Variants in KIRREL3 observed in about 807,000 individuals in gnomAD.
The protein encoded by KIRREL3 is kin of IRRE-like protein 3.
Under a neutral mutation model 89.7 loss-of-function variants are expected in KIRREL3, and 36 were observed. The ratio of observed to expected loss-of-function variants is 0.40; its 90% CI spans 0.31 to 0.53. The LOEUF is 0.53. Ranked by LOEUF, KIRREL3 falls within the 20% of genes least tolerant of loss-of-function variation. The pLI is 0.49. For missense variants in KIRREL3, 864 were observed against 1,056.6 expected, an observed-to-expected ratio of 0.82 and a Z score of 2.53; for synonymous variants, 445 against 441.4, an observed-to-expected ratio of 1.01 and a Z score of -0.10.
intron 7 of KIRREL3, 127 bp downstream of exon 7, chr11:126,456,222 A>T: frequency 1.6e-6 from 1 of 644,030 alleles, no homozygotes; most frequent in East Asian, 2.8e-5. Context: ...GAAGAAGGCT[A>T]CTGGACACGC....
At position 126,624,394 on chromosome 11, in the gene KIRREL3, CACTT is replaced by C. The variant is rs569965987; in HGVS notation, c.56-61486_56-61483del. Among the ~76,000 whole-genome samples, 548 of 152,270 alleles carry C rather than the reference CACTT, an allele frequency of 3.6e-3. 3 individuals carry two copies. The highest frequency in any genetic ancestry group is 3.7e-3 in the Non-Finnish European group (252 of 68,032). Reference sequence around the variant, plus strand: ...ATTTCTTAGAACACGAAGCATGAATCACTTACACCAGAGATGAGAAAAGCACCAT... The same window carrying C: ...ATTTCTTAGAACACGAAGCATGAATCACACCAGAGATGAGAAAAGCACCAT... On this transcript the variant is annotated intron_variant, in intron 1 of 16. Transcript: ENST00000525144. This position sits in a 1 kb window ranked among gnomAD's most constrained non-coding sequence, Gnocchi z 6.0.
Position 126,462,747 on chromosome 11 carries a change from G to C in KIRREL3, c.742+410C>G, listed in dbSNP as rs1313031443. Among the ~76,000 whole-genome samples, 1 of 152,160 alleles carries C rather than the reference G, an allele frequency of 6.6e-6. No homozygotes were observed. The highest frequency in any genetic ancestry group is 1.5e-5 in the Non-Finnish European group (1 of 68,012). On this transcript the variant is annotated intron_variant, in intron 6 of 16. Transcript: ENST00000525144. This position sits in a 1 kb window ranked among gnomAD's most constrained non-coding sequence, Gnocchi z 4.8. ...CCCCTTGATCAACCCTTCCATGAGA[G>C]TGGCTGGTGCACCCTCTCCAGAGCA...
At position 126,906,144 on chromosome 11, in the gene KIRREL3, C is replaced by T. The variant is rs1467158253; in HGVS notation, c.55+94311G>A. Among the ~76,000 whole-genome samples the T allele has an allele frequency of 6.6e-6, 1 of 152,210 alleles. No homozygotes were observed. The highest frequency in any genetic ancestry group is 1.5e-5 in the Non-Finnish European group (1 of 68,044). On this transcript the variant is annotated intron_variant, in intron 1 of 16. Coordinates refer to ENST00000525144, the MANE Select transcript of KIRREL3 (RefSeq NM_032531.4). This position sits in a 1 kb window ranked among gnomAD's most constrained non-coding sequence, Gnocchi z 4.1. The stretch of plus-strand genomic sequence containing the variant: ...CATCCTGCCCCTCTCTGAATTCCCT[C>T]ACTCAGAGATAGGCTCTCTTTTCTC...
Position 126,455,826 on chromosome 11 carries a change from A to C in KIRREL3, c.848+523T>G, listed in dbSNP as rs760465352. 1.3e-5 allele frequency among the ~76,000 whole-genome samples: 2 copies of C among 151,648 alleles called. No homozygotes were observed. The highest frequency in any genetic ancestry group is 2.9e-5 in the Non-Finnish European group (2 of 67,916). On this transcript the variant is annotated intron_variant, in intron 7 of 16. Coordinates refer to ENST00000525144, the MANE Select transcript of KIRREL3 (RefSeq NM_032531.4). The surrounding 1 kb of genome is among the most constrained non-coding windows in gnomAD (Gnocchi z 6.4). ...CAAACAAAGAAACAAACAAACAAAC[A>C]AACCAACAAACCAAACAGTGGTGCT... is the stretch of plus-strand genomic sequence containing the variant.
rs1941270011 is a variant in KIRREL3, at chr11:126,576,645, G to A, written c.56-13733C>T. Among the ~76,000 whole-genome samples, 1 of 152,196 alleles carries A rather than the reference G, an allele frequency of 6.6e-6. No homozygotes were observed. The highest frequency in any genetic ancestry group is 1.5e-5 in the Non-Finnish European group (1 of 68,044). On this transcript the variant is annotated intron_variant, in intron 1 of 16. Transcript: ENST00000525144. This position sits in a 1 kb window ranked among gnomAD's most constrained non-coding sequence, Gnocchi z 5.4. ...GGCAGTGTGCCACCCACCACAGCTTGGCCTTGCATGGCTGGTGCTTGGTAC... is the reference window on the plus strand; with the variant it reads ...GGCAGTGTGCCACCCACCACAGCTTAGCCTTGCATGGCTGGTGCTTGGTAC...
intron 1 of KIRREL3, among the ~76,000 whole-genome samples, chr11:126,792,618 G>A (rs1950680536): frequency 6.6e-6 from 1 of 152,110 alleles, no homozygotes; most frequent in South Asian, 2.1e-4. Flanking sequence ...TTATAACAGA[G>A]CCCAGATTGG....
Position 126,620,282 on chromosome 11 carries a change from T to C in KIRREL3, c.56-57370A>G, listed in dbSNP as rs1943524141. On this transcript the variant is annotated intron_variant, in intron 1 of 16. Coordinates refer to ENST00000525144, the MANE Select transcript of KIRREL3 (RefSeq NM_032531.4). The surrounding 1 kb of genome is among the most constrained non-coding windows in gnomAD (Gnocchi z 4.8). Reference sequence around the variant, plus strand: ...TGGATTCTAGACCCAAGGTGGATTCTAGACCCATTATCTTGATCATTCTTT... The same window carrying C: ...TGGATTCTAGACCCAAGGTGGATTCCAGACCCATTATCTTGATCATTCTTT... 6.6e-6 allele frequency among the ~76,000 whole-genome samples: 1 copy of C among 152,254 alleles called. No individual in the cohort carries two copies. Among genetic ancestry groups the C allele is most frequent in the Non-Finnish European group, 1.5e-5 (1 of 68,036 alleles).
intron 1 of KIRREL3, among the ~76,000 whole-genome samples, chr11:126,584,013 T>C (rs1941694850): frequency 1.3e-5 from 2 of 152,226 alleles, no homozygotes; most frequent in South Asian, 2.1e-4. Context: ...GGTTTTTCAA[T>C]GATGTGAATG....
intron 4 of KIRREL3, among the ~76,000 whole-genome samples, chr11:126,499,151 CAAAAA>C (rs33937623): frequency 1.5e-5 from 2 of 129,140 alleles, no homozygotes; most frequent in African/African-American, 3.0e-5. Context: ...GACTCCGTTT[CAAAAA>C]AAAAAAAAAA....
chr11:126,845,796 T>C (rs1944119113), intron 1 of KIRREL3, among the ~76,000 whole-genome samples: 1 of 152,176 alleles, frequency 6.6e-6, no homozygotes, highest in Non-Finnish European at 1.5e-5. Context: ...TTGGCATGGC[T>C]AAAGTTGGAT....
At chr11:126,440,656 C>T (rs1955528886) in intron 10 of KIRREL3, 107 bp from the exon 11 acceptor site, 4 of 1,041,746 alleles carry the variant, frequency 3.8e-6, no homozygotes, top group Middle Eastern at 2.0e-4. Flanking sequence ...ATTCAGCAAA[C>T]ATTTGCCGAA....
At chr11:126,437,752 G>A (rs1343165049) in intron 11 of KIRREL3, among the ~76,000 whole-genome samples, 1 of 151,782 alleles carries the variant, frequency 6.6e-6, no homozygotes, top group South Asian at 2.1e-4. Context: ...CAAGATGCAC[G>A]CACCATATGC....
chr11:126,951,230 A>G (rs1473959883), intron 1 of KIRREL3, among the ~76,000 whole-genome samples: 1 of 152,218 alleles, frequency 6.6e-6, no homozygotes, highest in Non-Finnish European at 1.5e-5. Flanking sequence ...TTAAGACAAA[A>G]CAGAAGAAAC....
intron 1 of KIRREL3, among the ~76,000 whole-genome samples, chr11:126,975,564 TC>T: frequency 6.6e-6 from 1 of 152,284 alleles, no homozygotes; most frequent in Middle Eastern, 3.4e-3. Flanking sequence ...TTCTGCTCTC[TC>T]CACATAAAAG....
intron 1 of KIRREL3, among the ~76,000 whole-genome samples, chr11:126,966,262 A>G (rs1184601468): frequency 3.3e-5 from 5 of 152,194 alleles, no homozygotes; most frequent in African/African-American, 4.8e-5. Flanking sequence ...AGGGTTTAAT[A>G]TTTAATAATG....
intron 1 of KIRREL3, among the ~76,000 whole-genome samples, chr11:126,866,917 T>A (rs547396537): frequency 8.5e-5 from 13 of 152,250 alleles, no homozygotes; most frequent in African/African-American, 3.1e-4. Flanking sequence ...AACCTTGCAC[T>A]CATCCTCCAA....
At position 126,892,711 on chromosome 11, in the gene KIRREL3, T is replaced by C. The variant is rs910463923; in HGVS notation, c.55+107744A>G. Among the ~76,000 whole-genome samples the C allele has an allele frequency of 1.3e-5, 2 of 152,178 alleles. No individual in the cohort carries two copies. Among genetic ancestry groups the C allele is most frequent in the African/African-American group, 4.8e-5 (2 of 41,442 alleles). ...TCATCTCCAGTAGCCAAGTAGAAAC[T>C]ACAGCATGACCTGACTTCTATGCCC... is the stretch of plus-strand genomic sequence containing the variant. On this transcript the variant is annotated intron_variant, in intron 1 of 16. Coordinates refer to ENST00000525144, the MANE Select transcript of KIRREL3 (RefSeq NM_032531.4). The surrounding 1 kb of genome is among the most constrained non-coding windows in gnomAD (Gnocchi z 5.4).
In KIRREL3 at chr11:126,576,423, G is replaced by A. The variant is rs1247845350; in HGVS notation, c.56-13511C>T. On this transcript the variant is annotated intron_variant, in intron 1 of 16. Transcript: ENST00000525144. This position sits in a 1 kb window ranked among gnomAD's most constrained non-coding sequence, Gnocchi z 5.4. ...ACTCTGTGTCAGTTCTGGCTGTTAT[G>A]GATATTGTGATGAACAAGACAGAGA... Among the ~76,000 whole-genome samples the A allele has an allele frequency of 6.6e-6, 1 of 152,176 alleles. No homozygotes were observed. The highest frequency in any genetic ancestry group is 1.5e-5 in the Non-Finnish European group (1 of 68,038).
chr11:126,740,521 C>T lies in KIRREL3; in HGVS notation c.56-177609G>A. 6.6e-6 allele frequency among the ~76,000 whole-genome samples: 1 copy of T among 152,122 alleles called. No homozygotes were observed. Among genetic ancestry groups the T allele is most frequent in the East Asian group, 1.9e-4 (1 of 5,176 alleles). On this transcript the variant is annotated intron_variant, in intron 1 of 16. Transcript: ENST00000525144. The surrounding 1 kb of genome is among the most constrained non-coding windows in gnomAD (Gnocchi z 6.0). ...CCCCACTCACAGATCCCTCTCCTACCCAGGAGACATGTTCCTTATATTTGT... is the reference window on the plus strand; with the variant it reads ...CCCCACTCACAGATCCCTCTCCTACTCAGGAGACATGTTCCTTATATTTGT...
Sources: allele counts gnomAD v4.1 joint callset (sites outside exome capture counted in the v4.1 genomes callset), GRCh38; gene constraint gnomAD v4.1.1; non-coding constraint Gnocchi (gnomAD v3.1); transcripts MANE v1.5; gene names NCBI Gene and HGNC (gene_info 2026-07-23, HGNC 2026-07-21).